Variants in COL18A1 observed in about 807,000 individuals in gnomAD.
COL18A1 encodes the protein collagen type XVIII alpha 1 chain.
Under a neutral mutation model 168.0 loss-of-function variants are expected in COL18A1, and 133 were observed. That is an observed-to-expected ratio of 0.79 (90% CI 0.69 to 0.91). COL18A1 has a LOEUF of 0.91. COL18A1 is among the 40% of genes least tolerant of loss of function. COL18A1 has a pLI of 0.00. For missense variants in COL18A1, 2,126 were observed against 1,925.4 expected (o/e 1.10, Z -1.95); for synonymous variants, 949 against 809.0 (o/e 1.17, Z -2.94).
Position 45,468,581 on chromosome 21 carries a change from C to G in COL18A1, c.446C>G (p.Thr149Arg), listed in dbSNP as rs764243525. Residue 149 changes from threonine to arginine, a missense_variant, in exon 3 of 42, where the codon ACA becomes AGA. Physicochemically the swap from Thr to Arg is moderately conservative, Grantham distance 71 (BLOSUM62 -1). Coordinates refer to ENST00000651438, the MANE Select transcript of COL18A1 (RefSeq NM_001379500.1). ...YTEPGAGQTH[T>R]AASFRLPAFV... ...GAACCAGGTGCAGGCCAGACCCACA[C>G]AGCCGCCAGCTTCCGGCTCCCCGCC... The G allele has an allele frequency of 3.1e-6, 5 of 1,613,630 alleles. No homozygotes were observed. Among genetic ancestry groups the G allele is most frequent in the East Asian group, 2.2e-5 (1 of 44,898 alleles).
At chr21:45,424,463 C>T (rs966230424) in intron 2 of COL18A1, 1 of 152,328 alleles carries the variant, frequency 6.6e-6, no homozygotes, top group Admixed American at 6.5e-5. Context: ...AGACACCTGC[C>T]CCAAGGTGCC....
chr21:45,477,645 G>A, intron 7 of COL18A1, 105 bp from the exon 8 acceptor site: 1 of 1,322,260 alleles, frequency 7.6e-7, no homozygotes, highest in African/African-American at 1.5e-5. Context: ...CGTGTCCACT[G>A]TGGGAAGCAG....
intron 2 of COL18A1, among the ~76,000 whole-genome samples, chr21:45,459,616 T>A (rs935626261): frequency 2.5e-4 from 38 of 149,894 alleles, no homozygotes; most frequent in African/African-American, 9.3e-4. Flanking sequence ...AAAGGGAGGG[T>A]GAACCCTGTG....
Position 45,429,017 on chromosome 21 carries a change from C to T in COL18A1, c.106+23544C>T, listed in dbSNP as rs550159757. Among the ~76,000 whole-genome samples, 5 of 151,946 alleles carry T rather than the reference C, an allele frequency of 3.3e-5. No homozygotes were observed. The South Asian group carries it at 1.0e-3, about 32-fold the overall frequency. ...TCCCAGGTTCAACTGATTCTTTTGC[C>T]TCAGCCTCCCGAGTAGCTGGGACTA... On this transcript the variant is annotated intron_variant, in intron 2 of 41. Coordinates refer to ENST00000651438, the MANE Select transcript of COL18A1 (RefSeq NM_001379500.1).
intron 1 of COL18A1, 66 bp downstream of exon 1, chr21:45,405,307 C>CGCGGGGGTCCT: frequency 7.6e-6 from 6 of 784,850 alleles, no homozygotes; most frequent in Non-Finnish European, 9.9e-6. Context: ...TCGCGGGGGT[C>CGCGGGGGTCCT]GCGGGGCTCG....
At position 45,431,011 on chromosome 21, in the gene COL18A1, C is replaced by T. The variant is rs115491384; in HGVS notation, c.106+25538C>T. ...CGGGGTGCCCTTGCCTGTTGACGGGCGGGCCGAGCAGGACTGTTCTCAGGC... is the reference window on the plus strand; with the variant it reads ...CGGGGTGCCCTTGCCTGTTGACGGGTGGGCCGAGCAGGACTGTTCTCAGGC... On this transcript the variant is annotated intron_variant, in intron 2 of 41. Transcript: ENST00000651438. Among the ~76,000 whole-genome samples the T allele has an allele frequency of 2.8e-3, 433 of 152,338 alleles. 4 individuals carry two copies. The highest frequency in any genetic ancestry group is 9.6e-3 in the African/African-American group (401 of 41,570).
chr21:45,497,743 C>T (rs1450141319), intron 32 of COL18A1, 82 bp downstream of exon 32: 3 of 1,533,390 alleles, frequency 2.0e-6, no homozygotes, highest in Non-Finnish European at 2.6e-6. Context: ...GCCGCCACCA[C>T]AAGCAGGTCC....
chr21:45,430,346 TC>T lies in COL18A1; in HGVS notation c.106+24877del, dbSNP rs796153022. On this transcript the variant is annotated intron_variant, in intron 2 of 41. Coordinates refer to ENST00000651438, the MANE Select transcript of COL18A1 (RefSeq NM_001379500.1). ...AAGGTTCTGAATAGGTCGAAGCACC[TC>T]CCCGGTGCCTCTCACCCTGAATGCT... 4.1e-4 allele frequency among the ~76,000 whole-genome samples: 63 copies of T among 152,310 alleles called. 1 individual carries two copies. The highest frequency in any genetic ancestry group is 1.5e-3 in the African/African-American group (61 of 41,574).
At chr21:45,435,238 G>C (rs1042184086) in intron 2 of COL18A1, among the ~76,000 whole-genome samples, 3 of 133,808 alleles carry the variant, frequency 2.2e-5, no homozygotes, top group African/African-American at 8.4e-5. Flanking sequence ...AAGGTGGGGT[G>C]GGGGCGGGAG....
intron 14 of COL18A1, among the ~76,000 whole-genome samples, chr21:45,482,573 A>C (rs1032581640): frequency 6.6e-6 from 1 of 152,170 alleles, no homozygotes; most frequent in African/African-American, 2.4e-5. Flanking sequence ...CAGGTCCAGC[A>C]TTGGGACCAG....
At position 45,468,396 on chromosome 21, in the gene COL18A1, C is replaced by G. The variant is rs754805174; in HGVS notation, c.261C>G (p.Leu87=). Reference sequence around the variant, plus strand: ...TGGCCCGGTACCACTTCCCCAGCCTCTTCTTCCGTGACTTCTCACTGCTGT... The same window carrying G: ...TGGCCCGGTACCACTTCCCCAGCCTGTTCTTCCGTGACTTCTCACTGCTGT... ...GQVARYHFPS[L]FFRDFSLLFH... Residue 87 remains leucine, a synonymous_variant, in exon 3 of 42, where the codon CTC becomes CTG. Transcript: ENST00000651438. 3.2e-5 allele frequency: 51 copies of G among 1,613,892 alleles called. No homozygotes were observed. The highest frequency in any genetic ancestry group is 4.2e-5 in the Non-Finnish European group (49 of 1,180,032).
chr21:45,456,360 C>A (rs1334656303), intron 2 of COL18A1: 23 of 1,549,950 alleles, frequency 1.5e-5, no homozygotes, highest in Non-Finnish European at 1.9e-5. Flanking sequence ...AAGCACGCGG[C>A]CCCCTCCGCC....
At chr21:45,469,736 C>T (rs1259343127) in intron 3 of COL18A1, among the ~76,000 whole-genome samples, 4 of 152,352 alleles carry the variant, frequency 2.6e-5, no homozygotes, top group Middle Eastern at 3.4e-3. Flanking sequence ...CCTGCCCTGG[C>T]GGGCCGCAGG....
chr21:45,406,694 G>T (rs2033121644), intron 2 of COL18A1, among the ~76,000 whole-genome samples: 4 of 152,232 alleles, frequency 2.6e-5, no homozygotes, highest in Admixed American at 2.6e-4. Flanking sequence ...GGGCTCCCTG[G>T]GCGGGATGTT....
chr21:45,421,490 T>TG lies in COL18A1; in HGVS notation c.106+16019dup, dbSNP rs780350192. On this transcript the variant is annotated intron_variant, in intron 2 of 41. Coordinates refer to ENST00000651438, the MANE Select transcript of COL18A1 (RefSeq NM_001379500.1). ...GGAGCGGAGCAGGACACCGCGTTTC[T>TG]GGCTGTGCAAGGCTCCACGCGGGTC... 9.4e-6 allele frequency: 5 copies of TG among 534,642 alleles called. No individual in the cohort carries two copies. The Admixed American group carries it at 9.7e-5, about 10-fold the overall frequency. The allele number at this position is 534,642 out of a possible 1,614,324, so 33.1% of individuals were successfully genotyped here. A position where few individuals can be genotyped will look rare whatever the true frequency, so the allele number is the denominator to read the frequency against.
chr21:45,477,477 G>A lies in COL18A1; in HGVS notation c.995G>A (p.Arg332His), dbSNP rs765035951. The A allele has an allele frequency of 2.9e-5, 47 of 1,609,946 alleles. No individual in the cohort carries two copies. Among genetic ancestry groups the A allele is most frequent in the Middle Eastern group, 1.6e-4 (1 of 6,064 alleles). Residue 332 changes from arginine to histidine, a missense_variant, in exon 7 of 42, where the codon CGC becomes CAC. Transcript: ENST00000651438. ...WDGSVRTPGG[R>H]VKEGGLKGQK... is the part of the protein sequence containing the mutation. ...GGGAGTGTCCGGACCCCTGGGGGCC[G>A]CGTGAAAGAGGTAAGGCCACCTCCC...
At chr21:45,492,778 A>G (rs1020890397) in intron 24 of COL18A1, 65 bp downstream of exon 24, 2 of 1,237,100 alleles carry the variant, frequency 1.6e-6, no homozygotes, top group Non-Finnish European at 2.3e-6. Flanking sequence ...CTGGTAGCAC[A>G]GAGCAGCCCG....
intron 29 of COL18A1, chr21:45,495,809 G>A (rs1166531286): frequency 1.8e-5 from 6 of 340,786 alleles, no homozygotes; most frequent in African/African-American, 4.3e-5. Context: ...ATGCATATAC[G>A]AGCCTGTCCA....
At chr21:45,476,968 C>T (rs985588793) in intron 6 of COL18A1, among the ~76,000 whole-genome samples, 2 of 150,332 alleles carry the variant, frequency 1.3e-5, no homozygotes, top group African/African-American at 2.5e-5. Context: ...GGGGAGATGC[C>T]GAGGCCCGGA....
Sources: allele counts gnomAD v4.1 joint callset (sites outside exome capture counted in the v4.1 genomes callset), GRCh38; gene constraint gnomAD v4.1.1; transcripts MANE v1.5; gene names NCBI Gene and HGNC (gene_info 2026-07-23, HGNC 2026-07-21).